Variants in NR6A1 observed in about 807,000 individuals in gnomAD.
The protein encoded by NR6A1 is nuclear receptor subfamily 6 group A member 1.
In NR6A1, 7 loss-of-function variants were observed where a neutral mutation model predicts 59.1. The observed-to-expected ratio is 0.12, with a 90% CI of 0.07 to 0.22. The LOEUF is 0.22. Among genes scored for constraint, NR6A1 ranks in the 10% least tolerant of loss-of-function variants. The pLI, the probability that NR6A1 is intolerant of heterozygous loss-of-function variation, is 1.00. For missense variants in NR6A1, 468 were observed against 611.6 expected (o/e 0.77, Z 2.48); for synonymous variants, 243 against 236.1 (o/e 1.03, Z -0.27).
At chr9:124,736,970 C>G (rs913104650) in intron 1 of NR6A1, among the ~76,000 whole-genome samples, 17 of 152,204 alleles carry the variant, frequency 1.1e-4, no homozygotes, top group Non-Finnish European at 2.5e-4. Flanking sequence ...AGTGCTGTGT[C>G]TATGGAAGCA....
intron 3 of NR6A1, among the ~76,000 whole-genome samples, chr9:124,550,908 C>T (rs927844183): frequency 6.6e-6 from 1 of 152,100 alleles, no homozygotes; most frequent in Non-Finnish European, 1.5e-5. Flanking sequence ...TCACTTATTC[C>T]TTTCGGTATG....
At chr9:124,661,833 ACAC>A (rs979518199) in intron 2 of NR6A1, among the ~76,000 whole-genome samples, 4 of 152,198 alleles carry the variant, frequency 2.6e-5, no homozygotes, top group Non-Finnish European at 5.9e-5. Flanking sequence ...TTAGTTATAC[ACAC>A]CACATTTCAA....
At chr9:124,727,403 A>G (rs1361447537) in intron 2 of NR6A1, among the ~76,000 whole-genome samples, 1 of 152,216 alleles carries the variant, frequency 6.6e-6, no homozygotes, top group African/African-American at 2.4e-5. Context: ...ATAATTCTGT[A>G]CTTGAATTTG....
chr9:124,716,642 T>C (rs1341845013), intron 2 of NR6A1, among the ~76,000 whole-genome samples: 4 of 152,322 alleles, frequency 2.6e-5, no homozygotes, highest in African/African-American at 9.6e-5. Context: ...TATTTATTTA[T>C]GTTTTTTGAG....
chr9:124,636,695 C>G (rs1185970482), intron 2 of NR6A1, among the ~76,000 whole-genome samples: 3 of 152,140 alleles, frequency 2.0e-5, no homozygotes, highest in Non-Finnish European at 2.9e-5. Context: ...ATCTTACTGC[C>G]TTTTCTCCTA....
intron 9 of NR6A1, among the ~76,000 whole-genome samples, chr9:124,523,584 A>G (rs1832853106): frequency 1.3e-5 from 2 of 150,948 alleles, no homozygotes; most frequent in South Asian, 4.2e-4. Context: ...ACCCAGTTCT[A>G]TGGAGGAGAG....
intron 2 of NR6A1, among the ~76,000 whole-genome samples, chr9:124,577,469 T>C (rs1013309459): frequency 6.6e-6 from 1 of 152,224 alleles, no homozygotes; most frequent in Non-Finnish European, 1.5e-5. Context: ...TCTCAGTCCT[T>C]TGTGACTTCT....
intron 2 of NR6A1, among the ~76,000 whole-genome samples, chr9:124,731,278 A>G (rs557367524): frequency 2.8e-4 from 42 of 152,114 alleles, no homozygotes; most frequent in African/African-American, 8.2e-4. Flanking sequence ...GCTGATGCAG[A>G]AGAATCACTT....
Position 124,520,371 on chromosome 9 carries a change from T to C in NR6A1, c.*2334A>G, listed in dbSNP as rs1832775720. The stretch of plus-strand genomic sequence containing the variant: ...AGGGCTCTCGGCAATGAATGGGCTC[T>C]TTGTTCTGTGGAATCTGCTGCAAAC... On this transcript the variant is annotated 3_prime_UTR_variant, in exon 10 of 10. Transcript: ENST00000487099. 1 of 152,222 alleles carries C rather than the reference T, an allele frequency of 6.6e-6. No homozygotes were observed. The highest frequency in any genetic ancestry group is 1.5e-5 in the Non-Finnish European group (1 of 68,030). 9.4% of individuals were successfully genotyped at this position (152,222 alleles called of 1,614,324 possible). A position where few individuals can be genotyped will look rare whatever the true frequency, so the allele number is the denominator to read the frequency against.
At chr9:124,662,091 A>G (rs548162828) in intron 2 of NR6A1, among the ~76,000 whole-genome samples, 1 of 152,276 alleles carries the variant, frequency 6.6e-6, no homozygotes, top group African/African-American at 2.4e-5. Flanking sequence ...AGCATTTGAA[A>G]CCAAGGATGA....
intron 8 of NR6A1, 71 bp from the exon 9 acceptor site, chr9:124,524,944 C>A: frequency 6.7e-7 from 1 of 1,487,966 alleles, no homozygotes; most frequent in Non-Finnish European, 9.0e-7. Context: ...GAAGAAACAC[C>A]AGCTCCTTAA....
intron 2 of NR6A1, among the ~76,000 whole-genome samples, chr9:124,670,521 T>G (rs1280916573): frequency 6.6e-6 from 1 of 152,066 alleles, no homozygotes; most frequent in Admixed American, 6.5e-5. Context: ...ATTATTATAT[T>G]CTGACATTAT....
intron 2 of NR6A1, among the ~76,000 whole-genome samples, chr9:124,676,045 A>T (rs552207436): frequency 2.6e-5 from 4 of 152,308 alleles, no homozygotes; most frequent in South Asian, 2.1e-4. Context: ...TGCAAAATAT[A>T]AACAGGCAAG....
At chr9:124,586,917 G>T (rs1834954427) in intron 2 of NR6A1, among the ~76,000 whole-genome samples, 1 of 152,196 alleles carries the variant, frequency 6.6e-6, no homozygotes, top group Non-Finnish European at 1.5e-5. Flanking sequence ...TGAGAAGATT[G>T]ACATGAATTT....
rs945645629 is a variant in NR6A1 at position 124,667,767 on chromosome 9, G to C, written c.142+65541C>G. On this transcript the variant is annotated intron_variant, in intron 2 of 9. Transcript: ENST00000487099. ...AAGGAATATTCTTAGGCTGACTGTA[G>C]TGATATACCTTGTAAAATAACTTAC... Among the ~76,000 whole-genome samples, 6 of 152,172 alleles carry C rather than the reference G, an allele frequency of 3.9e-5. No homozygotes were observed. In the East Asian group the frequency reaches 1.2e-3, roughly 29 times the overall value.
intron 1 of NR6A1, among the ~76,000 whole-genome samples, chr9:124,764,228 C>G (rs758394210): frequency 6.6e-6 from 1 of 151,886 alleles, no homozygotes; most frequent in Non-Finnish European, 1.5e-5. Context: ...TTAAGCTATT[C>G]CCTTCACTGA....
chr9:124,578,171 G>A (rs1834659990), intron 2 of NR6A1, among the ~76,000 whole-genome samples: 1 of 152,092 alleles, frequency 6.6e-6, no homozygotes, highest in African/African-American at 2.4e-5. Context: ...GTCTCCTGGG[G>A]TTAGTCCATG....
chr9:124,610,187 G>A lies in NR6A1; in HGVS notation c.143-55617C>T, dbSNP rs535185881. Reference sequence around the variant, plus strand: ...TCCCGGTCTTTTGTCAGTTTTCAAGGGAAATATTTCCAGCTTTTGCCCATT... The same window carrying A: ...TCCCGGTCTTTTGTCAGTTTTCAAGAGAAATATTTCCAGCTTTTGCCCATT... On this transcript the variant is annotated intron_variant, in intron 2 of 9. Coordinates refer to ENST00000487099, the MANE Select transcript of NR6A1 (RefSeq NM_033334.4). 5.9e-4 allele frequency among the ~76,000 whole-genome samples: 90 copies of A among 152,228 alleles called. 1 individual carries two copies. In the South Asian group the frequency reaches 0.018, roughly 31 times the overall value.
chr9:124,719,521 T>A (rs1839502828), intron 2 of NR6A1, among the ~76,000 whole-genome samples: 1 of 152,186 alleles, frequency 6.6e-6, no homozygotes, highest in Non-Finnish European at 1.5e-5. Flanking sequence ...TTATTTAATG[T>A]AGGAGCTGAA....
Sources: gnomAD v4.1 joint callset for allele counts (sites outside exome capture counted in the v4.1 genomes callset) on GRCh38, gnomAD v4.1.1 for gene constraint, MANE v1.5 for transcripts, NCBI Gene and HGNC (gene_info 2026-07-23, HGNC 2026-07-21) for gene names.